Variants in SMPX observed in about 807,000 individuals in gnomAD.
SMPX encodes the protein small muscle protein X-linked.
Under a neutral mutation model 6.3 loss-of-function variants are expected in SMPX, and 2 were observed. The ratio of observed to expected loss-of-function variants is 0.32; its 90% CI spans 0.13 to 0.99. The LOEUF (loss-of-function observed/expected upper bound fraction) is 0.99, where lower values mean the gene tolerates loss of function less well. SMPX is among the 50% of genes least tolerant of loss of function. SMPX has a pLI of 0.49. For synonymous variants in SMPX, 32 were observed against 24.7 expected (o/e 1.30, Z -0.88); for missense variants, 60 against 66.8 (o/e 0.90, Z 0.36).
At chrX:21,708,086 G>A (rs1172731464) in intron 4 of SMPX, among the ~76,000 whole-genome samples, 1 of 112,364 alleles carries the variant, frequency 8.9e-6, no homozygotes, top group African/African-American at 3.2e-5. Context: ...ATTAGTCTTT[G>A]GTGTCATTCC....
intron 1 of SMPX, among the ~76,000 whole-genome samples, chrX:21,754,793 G>A (rs763385802): frequency 2.0e-4 from 22 of 111,854 alleles, no homozygotes; most frequent in Non-Finnish European, 3.2e-4. Flanking sequence ...CTTCCTTAAC[G>A]GCTGCGATGC....
At chrX:21,721,110 A>C (rs2092791239) in intron 4 of SMPX, among the ~76,000 whole-genome samples, 1 of 111,939 alleles carries the variant, frequency 8.9e-6, no homozygotes, top group Non-Finnish European at 1.9e-5. Flanking sequence ...GAAAGCAGTG[A>C]GTATAGAGAG....
chrX:21,714,926 AGTTTGCTATTTAAT>A (rs1428568610), intron 4 of SMPX, among the ~76,000 whole-genome samples: 2 of 111,278 alleles, frequency 1.8e-5, no homozygotes, highest in Admixed American at 1.9e-4. Context: ...TTCTTGATAG[AGTTTGCTATTTAAT>A]GTTTGTTTGT....
intron 4 of SMPX, among the ~76,000 whole-genome samples, chrX:21,720,031 G>C (rs1048581915): frequency 1.8e-5 from 2 of 111,688 alleles, no homozygotes; most frequent in African/African-American, 3.3e-5. Context: ...AAAAATGAAG[G>C]GGGTAGGTGG....
intron 1 of SMPX, among the ~76,000 whole-genome samples, chrX:21,756,043 G>A (rs1205636190): frequency 1.8e-5 from 2 of 112,044 alleles, no homozygotes; most frequent in African/African-American, 3.2e-5. Flanking sequence ...GAAAAGCTTC[G>A]TGGCTTAATT....
Position 21,706,083 on chromosome X carries a change from G to A in SMPX, c.*326C>T. On this transcript the variant is annotated 3_prime_UTR_variant, in exon 5 of 5. Coordinates refer to ENST00000379494, the MANE Select transcript of SMPX (RefSeq NM_014332.3). Reference sequence around the variant, plus strand: ...TCCAAATATTGACCAAAATACTGTAGGAAGTAGCTTGGGAAACTTTTCATC... The same window carrying A: ...TCCAAATATTGACCAAAATACTGTAAGAAGTAGCTTGGGAAACTTTTCATC... The A allele has an allele frequency of 2.0e-6, 1 of 512,689 alleles. No homozygotes were observed. The highest frequency in any genetic ancestry group is 2.5e-5 in the South Asian group (1 of 40,412). 42.3% of individuals were successfully genotyped at this position (512,689 alleles called of 1,213,427 possible).
At chrX:21,731,041 C>G (rs1385304778) in intron 4 of SMPX, among the ~76,000 whole-genome samples, 1 of 111,063 alleles carries the variant, frequency 9.0e-6, no homozygotes, top group Non-Finnish European at 1.9e-5. Flanking sequence ...TTCATTGCAT[C>G]TTATAAATTT....
chrX:21,714,167 A>T (rs1461904342), intron 4 of SMPX, among the ~76,000 whole-genome samples: 3 of 111,966 alleles, frequency 2.7e-5, no homozygotes, highest in Non-Finnish European at 5.6e-5. Flanking sequence ...GGAAACCATC[A>T]ATCATGAGAT....
intron 4 of SMPX, among the ~76,000 whole-genome samples, chrX:21,732,033 T>C (rs2092805626): frequency 9.0e-6 from 1 of 110,939 alleles, no homozygotes; most frequent in South Asian, 3.8e-4. Context: ...TCTGTTGTTA[T>C]GTACTAAATG....
intron 4 of SMPX, among the ~76,000 whole-genome samples, chrX:21,719,000 C>T (rs2092788407): frequency 8.9e-6 from 1 of 112,230 alleles, no homozygotes; most frequent in Non-Finnish European, 1.9e-5. Context: ...GAGTTGTGCA[C>T]TTTAAAACGT....
intron 2 of SMPX, among the ~76,000 whole-genome samples, chrX:21,751,208 G>A (rs1382157733): frequency 8.9e-6 from 1 of 112,319 alleles, no homozygotes; most frequent in Non-Finnish European, 1.9e-5. Flanking sequence ...CATTGCATAT[G>A]TTTCTGCCCT....
chrX:21,711,937 G>A (rs903885004), intron 4 of SMPX, among the ~76,000 whole-genome samples: 5 of 111,712 alleles, frequency 4.5e-5, no homozygotes, highest in African/African-American at 1.6e-4. Context: ...ACAAACGCCT[G>A]GCATTTGTAA....
intron 3 of SMPX, among the ~76,000 whole-genome samples, chrX:21,740,350 T>C (rs1450106481): frequency 4.5e-5 from 5 of 112,214 alleles, no homozygotes; most frequent in Non-Finnish European, 9.4e-5. Flanking sequence ...AAGACATTCT[T>C]TGGCTTAGAT....
chrX:21,734,540 C>A (rs1238884760), intron 4 of SMPX, among the ~76,000 whole-genome samples: 1 of 111,926 alleles, frequency 8.9e-6, no homozygotes, highest in African/African-American at 3.2e-5. Flanking sequence ...ATCTGGCTAC[C>A]TTAAATCACA....
intron 4 of SMPX, among the ~76,000 whole-genome samples, chrX:21,716,744 G>GA (rs2092785568): frequency 9.0e-6 from 1 of 111,028 alleles, no homozygotes; most frequent in Non-Finnish European, 1.9e-5. Flanking sequence ...AGAGGGAACT[G>GA]AAAAAAGTGA....
chrX:21,716,294 T>C (rs2092785055), intron 4 of SMPX, among the ~76,000 whole-genome samples: 1 of 112,346 alleles, frequency 8.9e-6, no homozygotes, highest in African/African-American at 3.2e-5. Flanking sequence ...AAATTGCTTT[T>C]ACACCCTTTG....
At position 21,706,076 on chromosome X, in the gene SMPX, T is replaced by C; in HGVS notation, c.*333A>G. ...AACGCATTCCAAATATTGACCAAAA[T>C]ACTGTAGGAAGTAGCTTGGGAAACT... On this transcript the variant is annotated 3_prime_UTR_variant, in exon 5 of 5. Transcript: ENST00000379494. 2.0e-6 allele frequency: 1 copy of C among 512,406 alleles called. No individual in the cohort carries two copies. The highest frequency in any genetic ancestry group is 2.5e-5 in the South Asian group (1 of 40,257). 42.2% of individuals were successfully genotyped at this position (512,406 alleles called of 1,213,427 possible). A position where few individuals can be genotyped will look rare whatever the true frequency, so the allele number is the denominator to read the frequency against.
intron 4 of SMPX, among the ~76,000 whole-genome samples, chrX:21,719,171 G>A (rs1329809854): frequency 8.9e-6 from 1 of 111,980 alleles, no homozygotes; most frequent in Non-Finnish European, 1.9e-5. Flanking sequence ...CCGTTAGTTG[G>A]ATTGTTCGTA....
chrX:21,719,178 C>T (rs969468626), intron 4 of SMPX, among the ~76,000 whole-genome samples: 1 of 111,818 alleles, frequency 8.9e-6, no homozygotes, highest in African/African-American at 3.3e-5. Context: ...TTGGATTGTT[C>T]GTAATATCCT....
Sources: gnomAD v4.1 joint callset for allele counts (sites outside exome capture counted in the v4.1 genomes callset) on GRCh38, gnomAD v4.1.1 for gene constraint, MANE v1.5 for transcripts, NCBI Gene and HGNC (gene_info 2026-07-23, HGNC 2026-07-21) for gene names.